The following SAMTOR variants were observed in gnomAD, a reference collection of about 807,000 sequenced individuals.
SAMTOR encodes UPF0532 protein C7orf60.
the SAMTOR span, among the ~76,000 whole-genome samples, chr7:112,915,764 T>C: frequency 1.3e-5 from 2 of 152,224 alleles, no homozygotes; most frequent in Non-Finnish European, 2.9e-5. Context: ...GCAGATACTG[T>C]ATATATGAGT....
chr7:112,836,362 C>T, the SAMTOR span, among the ~76,000 whole-genome samples: 1 of 151,866 alleles, frequency 6.6e-6, no homozygotes, highest in Admixed American at 6.6e-5. Context: ...GTTTAAGTTC[C>T]TTATAGATGC....
chr7:112,920,935 G>T, the SAMTOR span, among the ~76,000 whole-genome samples: 2 of 151,368 alleles, frequency 1.3e-5, no homozygotes, highest in East Asian at 3.9e-4. Context: ...CACTGCTCAA[G>T]GAAATAAAAG....
the SAMTOR span, among the ~76,000 whole-genome samples, chr7:112,825,644 C>T: frequency 6.6e-6 from 1 of 152,142 alleles, no homozygotes; most frequent in Non-Finnish European, 1.5e-5. Flanking sequence ...AGTTTTACTT[C>T]TTTCCAATGT....
the SAMTOR span, chr7:112,939,784 G>A: frequency 6.8e-5 from 104 of 1,535,866 alleles, no homozygotes; most frequent in Non-Finnish European, 8.7e-5. Flanking sequence ...CGCCCCTCAG[G>A]CCCCCGCAGA....
At chr7:112,939,731 C>G in the SAMTOR span, 1 of 1,603,664 alleles carries the variant, frequency 6.2e-7, no homozygotes, top group Non-Finnish European at 8.5e-7. Context: ...AGTATTTCGG[C>G]CGCCGGCCCC....
At chr7:112,876,328 C>T in the SAMTOR span, among the ~76,000 whole-genome samples, 2 of 152,110 alleles carry the variant, frequency 1.3e-5, no homozygotes, top group Non-Finnish European at 2.9e-5. Flanking sequence ...CTCATATTTT[C>T]AACAACATGC....
At chr7:112,862,586 A>G in the SAMTOR span, among the ~76,000 whole-genome samples, 1 of 152,200 alleles carries the variant, frequency 6.6e-6, no homozygotes, top group Admixed American at 6.5e-5. Context: ...ATGGAAAATT[A>G]AAATGCTCCT....
chr7:112,888,884 T>C, the SAMTOR span, among the ~76,000 whole-genome samples: 1 of 152,206 alleles, frequency 6.6e-6, no homozygotes, highest in Non-Finnish European at 1.5e-5. Context: ...GAGGTATGTA[T>C]GTTTGAGAGA....
chr7:112,866,729 A>G, the SAMTOR span, among the ~76,000 whole-genome samples: 2 of 152,210 alleles, frequency 1.3e-5, no homozygotes, highest in African/African-American at 2.4e-5. Context: ...TAGAAAGCCA[A>G]AGACTCAACC....
the SAMTOR span, among the ~76,000 whole-genome samples, chr7:112,854,906 G>T: frequency 6.6e-6 from 1 of 152,148 alleles, no homozygotes; most frequent in Non-Finnish European, 1.5e-5. Context: ...TAAGTAAAAA[G>T]ATCTTAGCTA....
the SAMTOR span, among the ~76,000 whole-genome samples, chr7:112,912,841 C>A: frequency 6.6e-6 from 1 of 152,024 alleles, no homozygotes; most frequent in African/African-American, 2.4e-5. Flanking sequence ...AGGAAGAAGA[C>A]TGAAGTTTGA....
chr7:112,859,190 C>A, the SAMTOR span, among the ~76,000 whole-genome samples: 1 of 152,120 alleles, frequency 6.6e-6, no homozygotes, highest in South Asian at 2.1e-4. Flanking sequence ...CCAGCCCCCA[C>A]GATTCATGTG....
At chr7:112,939,729 G>T in the SAMTOR span, 1 of 1,604,188 alleles carries the variant, frequency 6.2e-7, no homozygotes, top group African/African-American at 1.3e-5. Flanking sequence ...GCAGTATTTC[G>T]GCCGCCGGCC....
chr7:112,832,630 G>A, the SAMTOR span: 2 of 1,613,378 alleles, frequency 1.2e-6, no homozygotes, highest in Non-Finnish European at 1.7e-6. Context: ...GGTTAAAGCA[G>A]CTGCCAACAT....
the SAMTOR span, among the ~76,000 whole-genome samples, chr7:112,850,921 C>T: frequency 2.0e-5 from 3 of 152,070 alleles, no homozygotes; most frequent in Admixed American, 1.3e-4. Context: ...CAATTCTATC[C>T]ACCAATAATG....
At chr7:112,908,011 T>G in the SAMTOR span, among the ~76,000 whole-genome samples, 4 of 152,094 alleles carry the variant, frequency 2.6e-5, no homozygotes, top group Non-Finnish European at 5.9e-5. Context: ...ATGACAAAAA[T>G]ACAAAATGCA....
the SAMTOR span, among the ~76,000 whole-genome samples, chr7:112,854,741 T>C: frequency 1.3e-5 from 2 of 152,286 alleles, no homozygotes; most frequent in African/African-American, 2.4e-5. Context: ...ATTACTATCT[T>C]ACAGACCTTT....
the SAMTOR span, among the ~76,000 whole-genome samples, chr7:112,938,968 A>G: frequency 6.6e-6 from 1 of 152,170 alleles, no homozygotes; most frequent in Non-Finnish European, 1.5e-5. Context: ...AACAGTTAAG[A>G]CCAAGTATTT....
the SAMTOR span, among the ~76,000 whole-genome samples, chr7:112,890,212 G>A: frequency 6.6e-6 from 1 of 152,146 alleles, no homozygotes; most frequent in Admixed American, 6.6e-5. Flanking sequence ...AATGTTTAAT[G>A]CACTCCCCAA....
Sources: gnomAD v4.1 joint callset for allele counts (sites outside exome capture counted in the v4.1 genomes callset) on GRCh38, gnomAD v4.1.1 for gene constraint, MANE v1.5 for transcripts, NCBI Gene and HGNC (gene_info 2026-07-23, HGNC 2026-07-21) for gene names.